PDCD6IP: variants seen among roughly 807,000 people sequenced by gnomAD.
The protein encoded by PDCD6IP is programmed cell death 6 interacting protein.
PDCD6IP carries 43 observed loss-of-function variants against 103.7 expected under a neutral mutation model. The ratio of observed to expected loss-of-function variants is 0.41; its 90% CI spans 0.32 to 0.53. PDCD6IP has a LOEUF of 0.53. Ranked by LOEUF, PDCD6IP falls within the 20% of genes least tolerant of loss-of-function variation. The probability of loss-of-function intolerance (pLI) is 0.16; values close to 1 mark genes in which losing one functional copy is unlikely to be tolerated. For synonymous variants in PDCD6IP, 354 were observed against 378.7 expected (o/e 0.93, Z 0.76); for missense variants, 871 against 1,036.7 (o/e 0.84, Z 2.20).
intron 7 of PDCD6IP, among the ~76,000 whole-genome samples, chr3:33,829,960 A>T (rs541146435): frequency 6.6e-6 from 1 of 152,280 alleles, no homozygotes; most frequent in African/African-American, 2.4e-5. Flanking sequence ...AAACTGCTCA[A>T]TGAAGCCCCT....
At chr3:33,845,369 G>C (rs576287781) in intron 11 of PDCD6IP, 50 bp from the exon 12 acceptor site, 1 of 1,409,994 alleles carries the variant, frequency 7.1e-7, no homozygotes. Flanking sequence ...GCCGATAAAC[G>C]TTGCTGTTAG....
intron 5 of PDCD6IP, among the ~76,000 whole-genome samples, chr3:33,826,266 T>G (rs1440432430): frequency 1.3e-5 from 2 of 152,120 alleles, no homozygotes; most frequent in Non-Finnish European, 2.9e-5. Flanking sequence ...AAAGAAGCCA[T>G]GTACCCATTA....
rs1050706860 is a variant in PDCD6IP, at chr3:33,869,152, C to G, written c.*2627C>G. 1 of 152,168 alleles carries G rather than the reference C, an allele frequency of 6.6e-6. No individual in the cohort carries two copies. The highest frequency in any genetic ancestry group is 2.4e-5 in the African/African-American group (1 of 41,430). 9.4% of individuals were successfully genotyped at this position (152,168 alleles called of 1,614,324 possible). On this transcript the variant is annotated 3_prime_UTR_variant, in exon 18 of 18. Coordinates refer to ENST00000307296, the MANE Select transcript of PDCD6IP (RefSeq NM_013374.6). ...CCAAACAGATTATAAAAAATGTTTTCCATTTGAACTTTACAGTTTGCAAAA... is the reference window on the plus strand; with the variant it reads ...CCAAACAGATTATAAAAAATGTTTTGCATTTGAACTTTACAGTTTGCAAAA...
intron 1 of PDCD6IP, among the ~76,000 whole-genome samples, chr3:33,810,062 T>G (rs13064214): frequency 0.028 from 4,195 of 151,854 alleles, 95 homozygotes; most frequent in Non-Finnish European, 0.045. Flanking sequence ...TTAGTAAATA[T>G]TTTGTGGGGA....
intron 1 of PDCD6IP, 191 bp downstream of exon 1, chr3:33,799,128 C>T: frequency 1.6e-6 from 1 of 612,844 alleles, no homozygotes; most frequent in Non-Finnish European, 2.8e-6. Context: ...CTGTGACTGC[C>T]CGCTTGTCCT....
intron 12 of PDCD6IP, among the ~76,000 whole-genome samples, chr3:33,847,614 G>A (rs1697622795): frequency 6.6e-6 from 1 of 152,180 alleles, no homozygotes; most frequent in African/African-American, 2.4e-5. Flanking sequence ...TTATTAAAAA[G>A]TCCAAGTTTG....
chr3:33,836,717 G>A (rs938322895), intron 8 of PDCD6IP, among the ~76,000 whole-genome samples: 1 of 151,194 alleles, frequency 6.6e-6, no homozygotes, highest in African/African-American at 2.4e-5. Context: ...AAATTAACTG[G>A]GCATGGTGGT....
chr3:33,828,236 A>C (rs376688632), intron 6 of PDCD6IP, among the ~76,000 whole-genome samples: 1 of 152,186 alleles, frequency 6.6e-6, no homozygotes, highest in African/African-American at 2.4e-5. Flanking sequence ...GCATTTGTCT[A>C]TGATATGTTT....
At chr3:33,811,506 G>A (rs369928672) in intron 1 of PDCD6IP, among the ~76,000 whole-genome samples, 3 of 152,298 alleles carry the variant, frequency 2.0e-5, no homozygotes, top group African/African-American at 7.2e-5. Flanking sequence ...CACCCTGATG[G>A]GGGGAAGTCT....
intron 2 of PDCD6IP, 152 bp downstream of exon 2, chr3:33,812,278 A>G (rs1226737547): frequency 1.0e-5 from 12 of 1,163,700 alleles, no homozygotes; most frequent in East Asian, 3.7e-5. Flanking sequence ...TTCTGAAGAA[A>G]GAATCTCCTG....
intron 1 of PDCD6IP, among the ~76,000 whole-genome samples, chr3:33,800,487 G>C (rs979758407): frequency 2.0e-5 from 3 of 152,160 alleles, no homozygotes; most frequent in African/African-American, 7.2e-5. Context: ...AGTCCGGACT[G>C]GGGAAGGGTT....
At position 33,836,142 on chromosome 3, in the gene PDCD6IP, A is replaced by G; in HGVS notation, c.933A>G (p.Ala311=). ...SDKINRALAA[A]KKDNDFIYHD... The stretch of plus-strand genomic sequence containing the variant: ...AAATCAATCGTGCCCTTGCTGCAGC[A>G]AAGAAGGATAATGACTTCATTTATC... The change falls in exon 8 of 18, where the codon GCA becomes GCG. Residue 311 remains alanine, a synonymous_variant. Transcript: ENST00000307296. 6.2e-7 allele frequency: 1 copy of G among 1,611,548 alleles called. No homozygotes were observed. The highest frequency in any genetic ancestry group is 1.3e-5 in the African/African-American group (1 of 75,008).
rs191386590 is a variant in PDCD6IP, at chr3:33,834,959, A to T, written c.835-1085A>T. Among the ~76,000 whole-genome samples the T allele has an allele frequency of 6.1e-4, 93 of 152,060 alleles. 1 individual carries two copies. The Middle Eastern group carries it at 0.014, about 22-fold the overall frequency. ...TGAGACAGATATGTTAAAATCTTCC[A>T]CTTTGATTATGGGTAAATGTGTCAA... On this transcript the variant is annotated intron_variant, in intron 7 of 17. Transcript: ENST00000307296.
intron 3 of PDCD6IP, among the ~76,000 whole-genome samples, chr3:33,814,806 G>T (rs1696806576): frequency 7.1e-6 from 1 of 140,760 alleles, no homozygotes; most frequent in Admixed American, 7.6e-5. Context: ...ACATTTATGT[G>T]TATGTATAGT....
At chr3:33,825,146 T>C in intron 4 of PDCD6IP, 41 bp from the exon 5 acceptor site, 1 of 1,554,646 alleles carries the variant, frequency 6.4e-7, no homozygotes, top group Non-Finnish European at 8.8e-7. Context: ...AAATTAAGTC[T>C]TGCTGAGTTC....
Position 33,813,560 on chromosome 3 carries a change from T to A in PDCD6IP, c.266T>A (p.Ile89Asn). 2 of 1,598,154 alleles carry A rather than the reference T, an allele frequency of 1.3e-6. No homozygotes were observed. The highest frequency in any genetic ancestry group is 1.7e-4 in the Middle Eastern group (1 of 6,024). The change falls in exon 3 of 18, where the codon ATC (isoleucine) becomes AAC (asparagine). Residue 89 changes from isoleucine to asparagine, a missense_variant and splice_region_variant. Coordinates refer to ENST00000307296, the MANE Select transcript of PDCD6IP (RefSeq NM_013374.6). Reference protein sequence around the residue: ...EPKFPFSENQICLTFTWKDAF... With the variant: ...EPKFPFSENQNCLTFTWKDAF... ...TCTGTTTTCTTTCATTCTATCCAGA[T>A]CTGCTTGACATTTACCTGGAAGGAT...
At chr3:33,830,465 A>G (rs912592587) in intron 7 of PDCD6IP, among the ~76,000 whole-genome samples, 3 of 152,288 alleles carry the variant, frequency 2.0e-5, no homozygotes, top group African/African-American at 7.2e-5. Flanking sequence ...ATTTTTAAGT[A>G]CCCCTGAAAA....
At chr3:33,805,780 G>A (rs6771806) in intron 1 of PDCD6IP, among the ~76,000 whole-genome samples, 43,585 of 149,582 alleles carry the variant, frequency 0.29, 6,471 homozygotes, top group East Asian at 0.41. Context: ...AGTCTCACTC[G>A]GTCGCCCAGG....
intron 1 of PDCD6IP, among the ~76,000 whole-genome samples, chr3:33,809,073 A>G (rs1213779024): frequency 1.3e-5 from 2 of 152,234 alleles, no homozygotes; most frequent in East Asian, 1.9e-4. Flanking sequence ...CATGTAGTCA[A>G]ATGACCATGT....
Sources: allele counts gnomAD v4.1 joint callset (sites outside exome capture counted in the v4.1 genomes callset), GRCh38; gene constraint gnomAD v4.1.1; transcripts MANE v1.5; gene names NCBI Gene and HGNC (gene_info 2026-07-23, HGNC 2026-07-21).